Variants in TENM3 observed in about 807,000 individuals in gnomAD.
TENM3 encodes teneurin transmembrane protein 3.
A neutral mutation model predicts 255.1 loss-of-function variants in TENM3; 63 were observed. That is an observed-to-expected ratio of 0.25 (90% CI 0.20 to 0.30). The LOEUF is 0.30. TENM3 is among the 10% of genes least tolerant of loss of function. The pLI is 1.00. For missense variants in TENM3, 2,929 were observed against 3,461.1 expected (o/e 0.85, Z 3.86); for synonymous variants, 1,306 against 1,322.3 (o/e 0.99, Z 0.27).
At chr4:181,909,298 T>C in the TENM3 span, among the ~76,000 whole-genome samples, 2 of 152,254 alleles carry the variant, frequency 1.3e-5, no homozygotes, top group African/African-American at 4.8e-5. Flanking sequence ...ATTTCGAATA[T>C]CTTTATTCAT....
chr4:181,545,861 T>A, the TENM3 span, among the ~76,000 whole-genome samples: 65 of 143,260 alleles, frequency 4.5e-4, no homozygotes, highest in African/African-American at 1.7e-3. Context: ...AAGAAATATA[T>A]GTTTTCATGC....
intron 12 of TENM3, among the ~76,000 whole-genome samples, chr4:182,695,885 T>A (rs1757361214): frequency 6.6e-6 from 1 of 152,212 alleles, no homozygotes; most frequent in Non-Finnish European, 1.5e-5. Context: ...TATTTCTCCT[T>A]TGAGTATTTA....
At chr4:182,406,970 A>G in intron 3 of TENM3, among the ~76,000 whole-genome samples, 1 of 152,212 alleles carries the variant, frequency 6.6e-6, no homozygotes. Context: ...GGGAAACTAA[A>G]GAATGCTAAC....
At chr4:182,601,867 T>C (rs1269437572) in intron 4 of TENM3, among the ~76,000 whole-genome samples, 1 of 152,232 alleles carries the variant, frequency 6.6e-6, no homozygotes, top group East Asian at 1.9e-4. Flanking sequence ...CCCTGATTCA[T>C]ACATGATGGC....
intron 3 of TENM3, among the ~76,000 whole-genome samples, chr4:182,560,738 C>T (rs987306681): frequency 6.6e-6 from 1 of 152,074 alleles, no homozygotes; most frequent in African/African-American, 2.4e-5. Flanking sequence ...GATGGTGCCA[C>T]AGGGAAACAA....
intron 3 of TENM3, among the ~76,000 whole-genome samples, chr4:182,492,888 A>T (rs1192249234): frequency 6.6e-6 from 1 of 150,822 alleles, no homozygotes; most frequent in African/African-American, 2.4e-5. Context: ...CATCATGTCA[A>T]CATTTTTTTT....
At chr4:182,608,846 A>G (rs543501731) in intron 4 of TENM3, among the ~76,000 whole-genome samples, 1 of 152,232 alleles carries the variant, frequency 6.6e-6, no homozygotes, top group South Asian at 2.1e-4. Flanking sequence ...TAAAAATACC[A>G]TGGCCATGAA....
At chr4:182,362,005 A>G (rs1766030958) in intron 3 of TENM3, among the ~76,000 whole-genome samples, 1 of 152,196 alleles carries the variant, frequency 6.6e-6, no homozygotes, top group Admixed American at 6.5e-5. Flanking sequence ...TTGCCTGGGT[A>G]TCAGCAGCGG....
chr4:182,410,816 T>C lies in TENM3; in HGVS notation c.511+63887T>C, dbSNP rs556576339. ...ATGAGCCTCACCTTTAGTTTTGACA[T>C]ATCATATTGAATTACAAGTGAGAGC... is the stretch of plus-strand genomic sequence containing the variant. On this transcript the variant is annotated intron_variant, in intron 3 of 27. Coordinates refer to ENST00000511685, the MANE Select transcript of TENM3 (RefSeq NM_001080477.4). 2.0e-5 allele frequency among the ~76,000 whole-genome samples: 3 copies of C among 152,326 alleles called. No individual in the cohort carries two copies. In the East Asian group the frequency reaches 5.8e-4, roughly 29 times the overall value.
At chr4:182,028,861 A>G in the TENM3 span, among the ~76,000 whole-genome samples, 13 of 150,546 alleles carry the variant, frequency 8.6e-5, no homozygotes, top group Middle Eastern at 3.4e-3. Flanking sequence ...TTCTGACTTA[A>G]CATGTGGTCT....
intron 1 of TENM3, among the ~76,000 whole-genome samples, chr4:182,198,038 G>A (rs1456860773): frequency 1.3e-5 from 2 of 152,138 alleles, no homozygotes; most frequent in East Asian, 1.9e-4. Context: ...CTGGGAGGCG[G>A]AGCTTGCAGT....
the TENM3 span, among the ~76,000 whole-genome samples, chr4:181,470,818 C>T: frequency 6.6e-6 from 1 of 152,026 alleles, no homozygotes; most frequent in Non-Finnish European, 1.5e-5. Context: ...ACAAAGCATG[C>T]TCACCAAGAG....
intron 3 of TENM3, among the ~76,000 whole-genome samples, chr4:182,467,784 A>C (rs538145478): frequency 1.3e-5 from 2 of 152,190 alleles, no homozygotes; most frequent in Non-Finnish European, 2.9e-5. Flanking sequence ...ACCCATCTTT[A>C]TGAACACGCA....
At position 182,569,979 on chromosome 4, in the gene TENM3, T is replaced by C. The variant is rs765657930; in HGVS notation, c.512-30945T>C. Among the ~76,000 whole-genome samples the C allele has an allele frequency of 1.5e-4, 23 of 152,212 alleles. 1 individual carries two copies. The highest frequency in any genetic ancestry group is 2.6e-4 in the Non-Finnish European group (18 of 68,034). ...GGGTAAATAAAATGTATCACTAAAA[T>C]TAACTCCACCTGCTTCTTTTGATTT... On this transcript the variant is annotated intron_variant, in intron 3 of 27. Transcript: ENST00000511685.
intron 24 of TENM3, among the ~76,000 whole-genome samples, chr4:182,777,541 G>GTGTGTGTGTGTGTTTTT (rs1579462872): frequency 1.9e-5 from 2 of 106,440 alleles, no homozygotes; most frequent in East Asian, 3.1e-4. Context: ...GTGTGTGTGT[G>GTGTGTGTGTGTGTTTTT]TATTTCTTTT....
chr4:182,069,383 G>T, the TENM3 span, among the ~76,000 whole-genome samples: 1 of 151,990 alleles, frequency 6.6e-6, no homozygotes. Context: ...CCTCTTCCTT[G>T]GGCCTCATTT....
the TENM3 span, among the ~76,000 whole-genome samples, chr4:181,814,095 G>T: frequency 2.6e-5 from 4 of 152,048 alleles, no homozygotes; most frequent in African/African-American, 7.2e-5. Flanking sequence ...CCCATTAAAG[G>T]CTTTAGAGAA....
chr4:182,714,081 C>G lies in TENM3; in HGVS notation c.2222-6C>G, dbSNP rs775374681. 1.9e-6 allele frequency: 3 copies of G among 1,610,918 alleles called. No homozygotes were observed. Among genetic ancestry groups the G allele is most frequent in the East Asian group, 2.2e-5 (1 of 44,862 alleles). ...TCACTGGTGTTTTCCTTCTTTGTCT[C>G]GACAGAGGGTTGTCCTGGTCTGTGC... is the stretch of plus-strand genomic sequence containing the variant. On this transcript the variant is annotated splice_polypyrimidine_tract_variant and splice_region_variant and intron_variant, in intron 12 of 27. Transcript: ENST00000511685.
At chr4:182,226,414 A>C (rs1159227043) in intron 1 of TENM3, among the ~76,000 whole-genome samples, 1 of 152,180 alleles carries the variant, frequency 6.6e-6, no homozygotes, top group African/African-American at 2.4e-5. Flanking sequence ...GAATGTAATG[A>C]GTTTCTATTT....
Sources: gnomAD v4.1 joint callset for allele counts (sites outside exome capture counted in the v4.1 genomes callset) on GRCh38, gnomAD v4.1.1 for gene constraint, MANE v1.5 for transcripts, NCBI Gene and HGNC (gene_info 2026-07-23, HGNC 2026-07-21) for gene names.